The following VRTN variants were observed in gnomAD, a reference collection of about 807,000 sequenced individuals.
VRTN encodes vertnin.
Under a neutral mutation model 18.2 loss-of-function variants are expected in VRTN, and 5 were observed. The observed-to-expected ratio is 0.27, with a 90% CI of 0.14 to 0.58. The LOEUF is 0.58. Ranked by LOEUF, VRTN falls within the 20% of genes least tolerant of loss-of-function variation. VRTN has a pLI of 0.91. For missense variants in VRTN, 741 were observed against 939.4 expected, an observed-to-expected ratio of 0.79 and a Z score of 2.76; for synonymous variants, 381 against 393.7, an observed-to-expected ratio of 0.97 and a Z score of 0.38.
chr14:74,345,449 A>G (rs1040121487), upstream of VRTN, among the ~76,000 whole-genome samples: 10 of 145,464 alleles, frequency 6.9e-5, no homozygotes, highest in Non-Finnish European at 1.0e-4. Flanking sequence ...TCTCCCAGGT[A>G]CAAGCAATTC....
rs2085764371 is a variant in VRTN at position 74,359,419 on chromosome 14, A to G, written c.*527A>G. On this transcript the variant is annotated 3_prime_UTR_variant, in exon 2 of 2. Coordinates refer to ENST00000256362, the MANE Select transcript of VRTN (RefSeq NM_018228.3). ...ATATGGGGGCCAGGTGTGGTGGCTTATGCCTGTAATCCTAGCGCTTTGGGA... is the reference window on the plus strand; with the variant it reads ...ATATGGGGGCCAGGTGTGGTGGCTTGTGCCTGTAATCCTAGCGCTTTGGGA... The G allele has an allele frequency of 1.2e-5, 2 of 168,378 alleles. No individual in the cohort carries two copies. The highest frequency in any genetic ancestry group is 2.9e-5 in the Non-Finnish European group (2 of 69,132). 10.4% of individuals were successfully genotyped at this position (168,378 alleles called of 1,614,324 possible).
chr14:74,337,830 C>A (rs1273038481), exon 2 of VRTN: 1 of 152,152 alleles, frequency 6.6e-6, no homozygotes, highest in African/African-American at 2.4e-5. Flanking sequence ...TGACATTGCC[C>A]ATCCCAGGTA....
intron 1 of VRTN, among the ~76,000 whole-genome samples, chr14:74,337,297 C>T (rs1020912670): frequency 1.3e-5 from 2 of 151,944 alleles, no homozygotes; most frequent in Non-Finnish European, 2.9e-5. Context: ...GAGCCGAGAT[C>T]GTGCCACTTT....
At chr14:74,327,627 G>A (rs576469079) in intron 1 of VRTN, among the ~76,000 whole-genome samples, 4 of 152,252 alleles carry the variant, frequency 2.6e-5, no homozygotes, top group East Asian at 3.9e-4. Flanking sequence ...TTGCTGCTCC[G>A]CGATTCCTCC....
chr14:74,303,048 C>T, upstream of VRTN: 1 of 901,876 alleles, frequency 1.1e-6, no homozygotes. Context: ...GCGGACTCTC[C>T]CGGAAGCGAC....
intron 1 of VRTN, among the ~76,000 whole-genome samples, chr14:74,315,366 A>T (rs2085413807): frequency 6.6e-6 from 1 of 152,174 alleles, no homozygotes; most frequent in Admixed American, 6.6e-5. Flanking sequence ...AGCATGAGCC[A>T]CCGCAACCAG....
rs67822776 is a variant in VRTN at position 74,303,843 on chromosome 14, ATTTTTTTTTT to A, written c.-164+683_-164+692del. ...TAGGTCAATCAGTTGACAATTACAG[ATTTTTTTTTT>A]TTTTTTTTTTTTTTTGATACGGAGT... On this transcript the variant is annotated intron_variant, in intron 1 of 2. Transcript: ENST00000557177. Among the ~76,000 whole-genome samples, 20 of 88,500 alleles carry A rather than the reference ATTTTTTTTTT, an allele frequency of 2.3e-4. No individual in the cohort carries two copies. The South Asian group carries it at 6.3e-3, about 28-fold the overall frequency. 58.1% of individuals were successfully genotyped at this position (88,500 alleles called of 152,430 possible).
Position 74,358,693 on chromosome 14 carries a change from A to T in VRTN, c.1910A>T (p.Asp637Val), listed in dbSNP as rs1269393495. The change falls in exon 2 of 2, where the codon GAT becomes GTT. Residue 637 changes from aspartate (D) to valine (V), a missense_variant. Physicochemically the swap from Asp to Val is radical, Grantham distance 152 (BLOSUM62 -3). Around this residue, in one of 3 missense-constraint regions of VRTN, gnomAD observed 61 missense variants for 104.6 expected, o/e 0.58. Transcript: ENST00000256362. The surrounding 1 kb of genome is among the most constrained non-coding windows in gnomAD (Gnocchi z 5.4). ...GTGGTGGCAGCAGCGGGTGGCAGGG[A>T]TGGCCGGATGCTGGTGATGGACATG... ...QPVVAAAGGRDGRMLVMDMIA... is the reference protein window; with the variant it reads ...QPVVAAAGGRVGRMLVMDMIA... The T allele has an allele frequency of 6.2e-7, 1 of 1,614,000 alleles. No individual in the cohort carries two copies. Among genetic ancestry groups the T allele is most frequent in the East Asian group, 2.2e-5 (1 of 44,884 alleles).
intron 1 of VRTN, among the ~76,000 whole-genome samples, chr14:74,336,501 T>TA (rs1304911010): frequency 6.6e-6 from 1 of 152,158 alleles, no homozygotes; most frequent in African/African-American, 2.4e-5. Context: ...TTCTACTCCC[T>TA]AAACACGTGT....
In VRTN at chr14:74,358,844, C is replaced by T; in HGVS notation, c.2061C>T (p.Tyr687=). Reference sequence around the variant, plus strand: ...CCCTCACTGCCCGCTCCACATACTACATGTGGAAGCGAGCCCTCTATGACG... The same window carrying T: ...CCCTCACTGCCCGCTCCACATACTATATGTGGAAGCGAGCCCTCTATGACG... ...LFPLTARSTY[Y]MWKRALYDGL... The change falls in exon 2 of 2, where the codon TAC becomes TAT. Residue 687 remains tyrosine (Y), a synonymous_variant. Transcript: ENST00000256362. This position sits in a 1 kb window ranked among gnomAD's most constrained non-coding sequence, Gnocchi z 5.4. 1 of 1,614,106 alleles carries T rather than the reference C, an allele frequency of 6.2e-7. No individual in the cohort carries two copies. Among genetic ancestry groups the T allele is most frequent in the Non-Finnish European group, 8.5e-7 (1 of 1,179,954 alleles).
In VRTN at chr14:74,303,082, A is replaced by G. The variant is rs2085141011; in HGVS notation, c.-258A>G. On this transcript the variant is annotated 5_prime_UTR_variant, in exon 1 of 3. Coordinates refer to the VRTN transcript ENST00000557177. ...ACCGACGTCTCTAAAAGTACCAGAG[A>G]GTGGACTCGGCTGACCCGGCGGCTA... The G allele has an allele frequency of 6.3e-6, 4 of 637,710 alleles. No individual in the cohort carries two copies. The Admixed American group carries it at 1.7e-4, about 27-fold the overall frequency. The allele number at this position is 637,710 out of a possible 1,614,324, so 39.5% of individuals were successfully genotyped here.
rs777090816 is a variant in VRTN, at chr14:74,358,490, G to T, written c.1707G>T (p.Gly569=). The T allele has an allele frequency of 3.7e-6, 6 of 1,614,196 alleles. No individual in the cohort carries two copies. The East Asian group carries it at 1.3e-4, about 36-fold the overall frequency. ...QVPVPTLGKG[G]QEAEEKQEKE... ...CGGTCCCCACCTTGGGCAAAGGGGG[G>T]CAGGAGGCTGAGGAGAAGCAGGAGA... is the stretch of plus-strand genomic sequence containing the variant. The change falls in exon 2 of 2, where the codon GGG becomes GGT. Residue 569 remains glycine (G), a synonymous_variant. Transcript: ENST00000256362. The surrounding 1 kb of genome is among the most constrained non-coding windows in gnomAD (Gnocchi z 5.4).
intron 1 of VRTN, among the ~76,000 whole-genome samples, chr14:74,317,349 C>T (rs374366198): frequency 9.2e-5 from 14 of 152,272 alleles, no homozygotes; most frequent in African/African-American, 3.1e-4. Context: ...TTACATACTT[C>T]TCCCCAACTC....
chr14:74,308,421 G>C (rs1267543957), intron 1 of VRTN, among the ~76,000 whole-genome samples: 2 of 152,070 alleles, frequency 1.3e-5, no homozygotes, highest in Non-Finnish European at 2.9e-5. Context: ...TTCTACACTT[G>C]AATTTCCTCC....
Position 74,340,142 on chromosome 14 carries a change from T to C in VRTN, c.-2+2258T>C, listed in dbSNP as rs561484893. The stretch of plus-strand genomic sequence containing the variant: ...TTTTTTTTTTTTTGAGACGGAGTTT[T>C]GCTCTTGTTGCCCAGGCTGGAGTGC... On this transcript the variant is annotated intron_variant, in intron 2 of 2. Transcript: ENST00000557177. 2.4e-4 allele frequency among the ~76,000 whole-genome samples: 36 copies of C among 150,952 alleles called. 1 individual carries two copies. In the Middle Eastern group the frequency reaches 0.028, roughly 116 times the overall value.
At chr14:74,345,095 T>C (rs995143456), upstream of VRTN, among the ~76,000 whole-genome samples, 1 of 152,170 alleles carries the variant, frequency 6.6e-6, no homozygotes, top group African/African-American at 2.4e-5. Context: ...TTGCTCAAGC[T>C]GAAGTGCAGT....
At chr14:74,328,207 C>T in intron 1 of VRTN, among the ~76,000 whole-genome samples, 1 of 152,126 alleles carries the variant, frequency 6.6e-6, no homozygotes, top group East Asian at 1.9e-4. Flanking sequence ...GGACGGAAGA[C>T]CCTGTGCCCT....
chr14:74,353,166 A>T (rs1249798395), intron 1 of VRTN, among the ~76,000 whole-genome samples: 1 of 152,108 alleles, frequency 6.6e-6, no homozygotes, highest in Non-Finnish European at 1.5e-5. Flanking sequence ...GCATGTGCCT[A>T]CAGTCCTAGT....
chr14:74,359,315 G>A lies in VRTN; in HGVS notation c.*423G>A, dbSNP rs2085763423. On this transcript the variant is annotated 3_prime_UTR_variant, in exon 2 of 2. Transcript: ENST00000256362. Reference sequence around the variant, plus strand: ...ATAGCATGATCATCGGTCCCACTGGGCAGAACGTTATCTTCAGTTTCTTTT... The same window carrying A: ...ATAGCATGATCATCGGTCCCACTGGACAGAACGTTATCTTCAGTTTCTTTT... 5.7e-6 allele frequency: 1 copy of A among 174,048 alleles called. No individual in the cohort carries two copies. Among genetic ancestry groups the A allele is most frequent in the South Asian group, 2.0e-4 (1 of 5,080 alleles). 10.8% of individuals were successfully genotyped at this position (174,048 alleles called of 1,614,324 possible).
Sources: gnomAD v4.1 joint callset for allele counts (sites outside exome capture counted in the v4.1 genomes callset) on GRCh38, gnomAD v4.1.1 for gene constraint, gnomAD v4.1.1 regional missense constraint, Gnocchi (gnomAD v3.1) non-coding constraint, MANE v1.5 for transcripts, NCBI Gene and HGNC (gene_info 2026-07-23, HGNC 2026-07-21) for gene names.